The following RAB6A variants were observed in gnomAD, a reference collection of about 807,000 sequenced individuals.
The protein encoded by RAB6A is ras-related protein Rab-6A.
A neutral mutation model predicts 32.3 loss-of-function variants in RAB6A; 8 were observed. That is an observed-to-expected ratio of 0.25 (90% CI 0.15 to 0.45). The LOEUF (loss-of-function observed/expected upper bound fraction) is 0.45. Ranked by LOEUF, RAB6A falls within the 20% of genes least tolerant of loss-of-function variation. The pLI is 1.00. For missense variants in RAB6A, 104 were observed against 249.4 expected (o/e 0.42, Z 3.93); for synonymous variants, 73 against 82.1 (o/e 0.89, Z 0.60).
chr11:73,750,390 C>A (rs1310108644), intron 1 of RAB6A, among the ~76,000 whole-genome samples: 2 of 150,994 alleles, frequency 1.3e-5, no homozygotes, highest in Non-Finnish European at 2.9e-5. Flanking sequence ...CACTCTGTTA[C>A]CCAGGCTGGA....
In RAB6A at chr11:73,760,084, T is replaced by C. The variant is rs1297597058; in HGVS notation, c.70+482A>G. 27 of 1,290,170 alleles carry C rather than the reference T, an allele frequency of 2.1e-5. 1 individual carries two copies. The highest frequency in any genetic ancestry group is 5.1e-6 in the Non-Finnish European group (5 of 989,552). The allele number at this position is 1,290,170 out of a possible 1,614,324, so 79.9% of individuals were successfully genotyped here. A position where few individuals can be genotyped will look rare whatever the true frequency, so the allele number is the denominator to read the frequency against. ...TCAGCACTTCGCAGGGCCAAGCCTCTGGGGAAAACAACGCCCAGATCCCAC... is the reference window on the plus strand; with the variant it reads ...TCAGCACTTCGCAGGGCCAAGCCTCCGGGGAAAACAACGCCCAGATCCCAC... On this transcript the variant is annotated intron_variant, in intron 1 of 7. Coordinates refer to ENST00000336083, the MANE Select transcript of RAB6A (RefSeq NM_198896.2).
chr11:73,701,231 C>T (rs948476818), intron 6 of RAB6A, among the ~76,000 whole-genome samples: 5 of 152,092 alleles, frequency 3.3e-5, no homozygotes, highest in Non-Finnish European at 7.4e-5. Flanking sequence ...TTCTGTGTAT[C>T]TTCTGGTAAA....
intron 1 of RAB6A, among the ~76,000 whole-genome samples, chr11:73,757,268 T>C (rs920439224): frequency 6.8e-6 from 1 of 148,140 alleles, no homozygotes; most frequent in African/African-American, 2.5e-5. Flanking sequence ...CTCAGCCTCC[T>C]GAGTAGCTGG....
intron 1 of RAB6A, among the ~76,000 whole-genome samples, chr11:73,731,731 T>TATATATACAC (rs1346850332): frequency 2.9e-4 from 5 of 16,980 alleles, no homozygotes; most frequent in African/African-American, 8.2e-4. Flanking sequence ...TATATATATA[T>TATATATACAC]ACACACACAC....
At chr11:73,705,391 T>C (rs980748260) in intron 6 of RAB6A, among the ~76,000 whole-genome samples, 1 of 151,840 alleles carries the variant, frequency 6.6e-6, no homozygotes, top group African/African-American at 2.4e-5. Context: ...TTACTAAAAG[T>C]ACAAAAATTA....
chr11:73,718,804 T>G (rs373378980), intron 3 of RAB6A, 86 bp from the exon 4 acceptor site: 1 of 1,613,792 alleles, frequency 6.2e-7, no homozygotes, highest in Non-Finnish European at 8.5e-7. Flanking sequence ...CGTAAACTAC[T>G]ACAGCTGCAG....
chr11:73,690,431 G>A (rs1945532374), intron 6 of RAB6A, among the ~76,000 whole-genome samples: 1 of 152,076 alleles, frequency 6.6e-6, no homozygotes, highest in African/African-American at 2.4e-5. Context: ...TTGCCAGGCT[G>A]GAGTGCAATG....
At chr11:73,709,299 T>C (rs1372345493) in intron 5 of RAB6A, among the ~76,000 whole-genome samples, 1 of 151,902 alleles carries the variant, frequency 6.6e-6, no homozygotes, top group Non-Finnish European at 1.5e-5. Flanking sequence ...AAAGAAACTT[T>C]CTCAATTATT....
intron 1 of RAB6A, among the ~76,000 whole-genome samples, chr11:73,739,710 T>G (rs1946464682): frequency 6.6e-6 from 1 of 152,056 alleles, no homozygotes; most frequent in Admixed American, 6.6e-5. Flanking sequence ...CATAATATAC[T>G]CTTGAAGGAT....
intron 1 of RAB6A, among the ~76,000 whole-genome samples, chr11:73,740,589 A>T (rs1003149179): frequency 1.1e-4 from 17 of 149,604 alleles, no homozygotes; most frequent in African/African-American, 3.9e-4. Context: ...AGTTAATTTA[A>T]AAAAAAAAAA....
chr11:73,760,097 G>A (rs1284501554), intron 1 of RAB6A: 32 of 1,290,676 alleles, frequency 2.5e-5, no homozygotes, highest in African/African-American at 3.0e-5. Context: ...GGAAAACAAC[G>A]CCCAGATCCC....
At position 73,709,427 on chromosome 11, in the gene RAB6A, CT is replaced by C. The variant is rs1372580980; in HGVS notation, c.402-1915del. The stretch of plus-strand genomic sequence containing the variant: ...CTTCCAAAGGGGACCAATGAGTTTT[CT>C]CCTTAAGTATATTATTATTATTATT... On this transcript the variant is annotated intron_variant, in intron 5 of 7. Coordinates refer to ENST00000336083, the MANE Select transcript of RAB6A (RefSeq NM_198896.2). Among the ~76,000 whole-genome samples, 3 of 123,968 alleles carry C rather than the reference CT, an allele frequency of 2.4e-5. No homozygotes were observed. The Admixed American group carries it at 2.8e-4, about 11-fold the overall frequency. 81.3% of individuals were successfully genotyped at this position (123,968 alleles called of 152,430 possible).
chr11:73,677,751 T>A lies in RAB6A; in HGVS notation c.*147A>T. The A allele has an allele frequency of 6.6e-7, 1 of 1,504,180 alleles. No individual in the cohort carries two copies. Among genetic ancestry groups the A allele is most frequent in the Non-Finnish European group, 9.0e-7 (1 of 1,113,014 alleles). 93.2% of individuals were successfully genotyped at this position (1,504,180 alleles called of 1,614,324 possible). On this transcript the variant is annotated 3_prime_UTR_variant, in exon 8 of 8. Coordinates refer to ENST00000336083, the MANE Select transcript of RAB6A (RefSeq NM_198896.2). The stretch of plus-strand genomic sequence containing the variant: ...TTGTGCTTGTGAAGCTAATAGATCA[T>A]CTCCACGAGACAGGCAGCAATGATG...
intron 2 of RAB6A, chr11:73,722,305 GTATATATATATATATATATATA>G (rs1204770272): frequency 2.4e-5 from 1 of 42,368 alleles, no homozygotes; most frequent in African/African-American, 9.9e-5. Flanking sequence ...ATGTGTGTGT[GTATATATATATATATATATATA>G]TATATATATA....
In RAB6A at chr11:73,680,031, G is replaced by T. The variant is rs1161182774; in HGVS notation, c.496-311C>A. Among the ~76,000 whole-genome samples, 9 of 152,192 alleles carry T rather than the reference G, an allele frequency of 5.9e-5. No homozygotes were observed. In the South Asian group the frequency reaches 1.2e-3, roughly 21 times the overall value. On this transcript the variant is annotated intron_variant, in intron 6 of 7. Coordinates refer to ENST00000336083, the MANE Select transcript of RAB6A (RefSeq NM_198896.2). Reference sequence around the variant, plus strand: ...GAGGACTGCTTCAGCTCAGGAAGTGGAGGCTGCAGGGAGCTGAGATCACGC... The same window carrying T: ...GAGGACTGCTTCAGCTCAGGAAGTGTAGGCTGCAGGGAGCTGAGATCACGC...
chr11:73,760,803 A>C lies in RAB6A; in HGVS notation c.-168T>G, dbSNP rs1045862923. On this transcript the variant is annotated 5_prime_UTR_variant, in exon 1 of 8. Transcript: ENST00000336083. The stretch of plus-strand genomic sequence containing the variant: ...TGGAGGGCAGCAGGACTCTCCACAG[A>C]CTGGCAGCCGCCGCCGCCTCCCGGC... The C allele has an allele frequency of 1.1e-6, 1 of 944,454 alleles. No homozygotes were observed. The highest frequency in any genetic ancestry group is 1.6e-6 in the Non-Finnish European group (1 of 641,402). 58.5% of individuals were successfully genotyped at this position (944,454 alleles called of 1,614,324 possible).
At chr11:73,708,094 T>C (rs1945878946) in intron 5 of RAB6A, among the ~76,000 whole-genome samples, 1 of 152,228 alleles carries the variant, frequency 6.6e-6, no homozygotes, top group Non-Finnish European at 1.5e-5. Flanking sequence ...AATTTTACAC[T>C]ACTATGAAAA....
intron 4 of RAB6A, 147 bp downstream of exon 4, chr11:73,718,466 A>G (rs1252516092): frequency 1.7e-5 from 12 of 708,810 alleles, no homozygotes; most frequent in Admixed American, 6.3e-5. Context: ...ACCAAAGCAA[A>G]TATTTCTGAC....
intron 5 of RAB6A, among the ~76,000 whole-genome samples, chr11:73,712,652 T>C (rs906586098): frequency 1.6e-4 from 25 of 151,638 alleles, no homozygotes; most frequent in African/African-American, 4.4e-4. Flanking sequence ...CGCTCGCCTG[T>C]TGCTAGCTTT....
Sources: gnomAD v4.1 joint callset for allele counts (sites outside exome capture counted in the v4.1 genomes callset) on GRCh38, gnomAD v4.1.1 for gene constraint, MANE v1.5 for transcripts, NCBI Gene and HGNC (gene_info 2026-07-23, HGNC 2026-07-21) for gene names.